Variants in UBE4B observed in about 807,000 individuals in gnomAD.
The protein encoded by UBE4B is ubiquitin conjugation factor E4 B.
UBE4B carries 27 observed loss-of-function variants against 148.1 expected under a neutral mutation model. The observed-to-expected ratio is 0.18, with a 90% CI of 0.13 to 0.25. The LOEUF is 0.25. Ranked by LOEUF, UBE4B falls within the 10% of genes least tolerant of loss-of-function variation. The pLI, the probability that UBE4B is intolerant of heterozygous loss-of-function variation, is 1.00. For synonymous variants in UBE4B, 596 were observed against 619.3 expected (o/e 0.96, Z 0.56); for missense variants, 1,170 against 1,662.4 (o/e 0.70, Z 5.15).
chr1:10,171,986 C>T (rs1646346166), intron 25 of UBE4B, among the ~76,000 whole-genome samples: 1 of 152,176 alleles, frequency 6.6e-6, no homozygotes, highest in Non-Finnish European at 1.5e-5. Context: ...TTTTAAGGGC[C>T]TTCTTGACAA....
At chr1:10,081,581 T>C (rs114777012) in intron 2 of UBE4B, among the ~76,000 whole-genome samples, 3,901 of 151,496 alleles carry the variant, frequency 0.026, 160 homozygotes, top group African/African-American at 0.09. Context: ...CGTGCCACCA[T>C]GCCTGGCTAA....
intron 26 of UBE4B, 137 bp from the exon 27 acceptor site, chr1:10,179,279 C>A: frequency 9.0e-7 from 1 of 1,105,492 alleles, no homozygotes; most frequent in Non-Finnish European, 1.3e-6. Flanking sequence ...TGATTTCCTT[C>A]TAAACCTGGG....
intron 2 of UBE4B, among the ~76,000 whole-genome samples, chr1:10,075,541 A>G (rs1197333296): frequency 6.6e-6 from 1 of 152,228 alleles, no homozygotes; most frequent in Non-Finnish European, 1.5e-5. Flanking sequence ...ACAAACTAAC[A>G]GAAAGGCTTG....
rs1646282861 is a variant in UBE4B at position 10,168,125 on chromosome 1, A to G, written c.3199-11A>G. The G allele has an allele frequency of 6.2e-7, 1 of 1,610,892 alleles. No individual in the cohort carries two copies. The highest frequency in any genetic ancestry group is 8.5e-7 in the Non-Finnish European group (1 of 1,178,074). ...CCGAGCCTTACTCAGCGTCTGTTCGATGTGTCCTAGGATCAGCAGCAGGCT... is the reference window on the plus strand; with the variant it reads ...CCGAGCCTTACTCAGCGTCTGTTCGGTGTGTCCTAGGATCAGCAGCAGGCT... On this transcript the variant is annotated splice_polypyrimidine_tract_variant and intron_variant, in intron 23 of 27. Transcript: ENST00000343090. This position sits in a 1 kb window ranked among gnomAD's most constrained non-coding sequence, Gnocchi z 4.9.
intron 20 of UBE4B, among the ~76,000 whole-genome samples, chr1:10,149,928 G>A (rs751708234): frequency 7.9e-5 from 12 of 152,028 alleles, no homozygotes; most frequent in African/African-American, 1.2e-4. Flanking sequence ...GATTGCTTGA[G>A]CCTAGTTCAA....
chr1:10,155,502 C>G (rs886137679), intron 21 of UBE4B, among the ~76,000 whole-genome samples: 1 of 152,194 alleles, frequency 6.6e-6, no homozygotes, highest in Non-Finnish European at 1.5e-5. Context: ...GGCTACTGTG[C>G]TGGTCTTCCT....
intron 7 of UBE4B, among the ~76,000 whole-genome samples, chr1:10,109,648 C>T (rs1570907853): frequency 6.6e-6 from 1 of 151,924 alleles, no homozygotes; most frequent in African/African-American, 2.4e-5. Flanking sequence ...TAGCAAAAAA[C>T]CTTGTTACTT....
rs908159872 is a variant in UBE4B at position 10,178,887 on chromosome 1, G to A, written c.3700+69G>A. 6.7e-6 allele frequency: 10 copies of A among 1,483,892 alleles called. No homozygotes were observed. The South Asian group carries it at 1.4e-4, about 21-fold the overall frequency. The allele number at this position is 1,483,892 out of a possible 1,614,324, so 91.9% of individuals were successfully genotyped here. Reference sequence around the variant, plus strand: ...CTGGAAATCGATAACATTACAAGAGGACGTCCTGTGCAATTAATTTTTTAA... The same window carrying A: ...CTGGAAATCGATAACATTACAAGAGAACGTCCTGTGCAATTAATTTTTTAA... On this transcript the variant is annotated intron_variant, in intron 26 of 27. Coordinates refer to ENST00000343090, the MANE Select transcript of UBE4B (RefSeq NM_001105562.3).
intron 2 of UBE4B, 130 bp from the exon 3 acceptor site, chr1:10,095,331 G>T (rs1055955231): frequency 5.7e-6 from 6 of 1,061,562 alleles, no homozygotes; most frequent in Non-Finnish European, 8.1e-6. Context: ...ATAATCTTCT[G>T]ATAGAAATTC....
intron 1 of UBE4B, among the ~76,000 whole-genome samples, chr1:10,040,915 C>T (rs1048567661): frequency 3.9e-5 from 6 of 152,316 alleles, no homozygotes; most frequent in African/African-American, 1.4e-4. Flanking sequence ...CCACCGCACC[C>T]AGCCTAACAT....
Position 10,180,734 on chromosome 1 carries a change from A to G in UBE4B, c.*778A>G, listed in dbSNP as rs1461274960. 1.3e-5 allele frequency: 2 copies of G among 152,338 alleles called. No individual in the cohort carries two copies. The highest frequency in any genetic ancestry group is 4.8e-5 in the African/African-American group (2 of 41,416). 9.4% of individuals were successfully genotyped at this position (152,338 alleles called of 1,614,324 possible). On this transcript the variant is annotated 3_prime_UTR_variant, in exon 28 of 28. Coordinates refer to ENST00000343090, the MANE Select transcript of UBE4B (RefSeq NM_001105562.3). ...TCTTCGGCATCTGAGGAGCAGCTGC[A>G]GCAAAATCTAGGGGTGTAAGTGTAT...
At chr1:10,095,673 C>T (rs1644919057) in intron 3 of UBE4B, 77 bp downstream of exon 3, 2 of 1,570,302 alleles carry the variant, frequency 1.3e-6, no homozygotes, top group Non-Finnish European at 1.7e-6. Context: ...GCCTCTAGTC[C>T]ATAGTCAGAA....
rs1216882735 is a variant in UBE4B at position 10,126,841 on chromosome 1, C to T, written c.1602C>T (p.Cys534=). 1 of 1,614,102 alleles carries T rather than the reference C, an allele frequency of 6.2e-7. No homozygotes were observed. Among genetic ancestry groups the T allele is most frequent in the Non-Finnish European group, 8.5e-7 (1 of 1,180,002 alleles). The change falls in exon 11 of 28, where the codon TGC becomes TGT. Residue 534 remains cysteine, a synonymous_variant. Coordinates refer to ENST00000343090, the MANE Select transcript of UBE4B (RefSeq NM_001105562.3). ...LQGLALAAKE[C]SLDSDYFKYP... is the part of the protein sequence containing the mutation. The stretch of plus-strand genomic sequence containing the variant: ...GCCTGGCTCTTGCTGCCAAAGAGTG[C>T]TCCCTCGACAGTGACTACTTTAAAT...
chr1:10,137,299 G>A, intron 17 of UBE4B, 94 bp downstream of exon 17: 1 of 1,520,928 alleles, frequency 6.6e-7, no homozygotes, highest in Non-Finnish European at 9.0e-7. Context: ...TTTGAATGTT[G>A]GGGGAGGTAT....
chr1:10,082,132 T>C (rs1456772212), intron 2 of UBE4B, among the ~76,000 whole-genome samples: 1 of 152,200 alleles, frequency 6.6e-6, no homozygotes, highest in Non-Finnish European at 1.5e-5. Context: ...ACTTAATACA[T>C]ATTTATTTAA....
Position 10,033,661 on chromosome 1 carries a change from G to A in UBE4B, c.-10G>A. 6.4e-7 allele frequency: 1 copy of A among 1,570,750 alleles called. No individual in the cohort carries two copies. The highest frequency in any genetic ancestry group is 8.6e-7 in the Non-Finnish European group (1 of 1,159,590). ...TCTCCTTAACGCCTTTCACCATTAA[G>A]AGGAAAGCGATGGAGGAGCTGAGCG... On this transcript the variant is annotated 5_prime_UTR_variant, in exon 1 of 28. Coordinates refer to ENST00000343090, the MANE Select transcript of UBE4B (RefSeq NM_001105562.3).
At chr1:10,146,703 G>GTGAC (rs989304849) in intron 18 of UBE4B, among the ~76,000 whole-genome samples, 62 of 152,018 alleles carry the variant, frequency 4.1e-4, no homozygotes, top group African/African-American at 1.5e-3. Context: ...TTATTTACTT[G>GTGAC]TGACTGTTGG....
chr1:10,043,304 C>T (rs564449171), intron 1 of UBE4B, among the ~76,000 whole-genome samples: 128 of 151,620 alleles, frequency 8.4e-4, no homozygotes, highest in Middle Eastern at 7.0e-3. Context: ...CCACCGCACC[C>T]GGCCAACTTT....
At chr1:10,066,158 C>T (rs956998173) in intron 1 of UBE4B, among the ~76,000 whole-genome samples, 1 of 151,086 alleles carries the variant, frequency 6.6e-6, no homozygotes. Flanking sequence ...TATTTAGAGG[C>T]AGGGTCTCAC....
Sources: gnomAD v4.1 joint callset for allele counts (sites outside exome capture counted in the v4.1 genomes callset) on GRCh38, gnomAD v4.1.1 for gene constraint, Gnocchi (gnomAD v3.1) non-coding constraint, MANE v1.5 for transcripts, NCBI Gene and HGNC (gene_info 2026-07-23, HGNC 2026-07-21) for gene names.